The following TTC23L variants were observed in gnomAD, a reference collection of about 807,000 sequenced individuals.
The protein encoded by TTC23L is tetratricopeptide repeat domain 23 like.
A neutral mutation model predicts 48.1 loss-of-function variants in TTC23L; 42 were observed. That is an observed-to-expected ratio of 0.87 (90% CI 0.68 to 1.13). The LOEUF is 1.13. Among genes scored for constraint, TTC23L ranks in the 50% most tolerant of loss-of-function variants. TTC23L has a pLI of 0.00. For synonymous variants in TTC23L, 159 were observed against 157.2 expected (o/e 1.01, Z -0.09); for missense variants, 391 against 421.0 (o/e 0.93, Z 0.62).
the TTC23L span, chr5:34,920,159 A>C: frequency 4.8e-6 from 1 of 208,348 alleles, no homozygotes; most frequent in Non-Finnish European, 9.6e-6. Context: ...TATTATGCTA[A>C]ATCCATAGTA....
the TTC23L span, chr5:34,913,841 G>C: frequency 2.0e-6 from 1 of 499,730 alleles, no homozygotes; most frequent in East Asian, 4.4e-5. Context: ...TTGGAAAATA[G>C]ACGAATGACT....
the TTC23L span, chr5:34,915,531 C>T: frequency 1.8e-6 from 1 of 545,618 alleles, no homozygotes; most frequent in Non-Finnish European, 3.1e-6. Flanking sequence ...CTCTTCAGAC[C>T]GGCCCTCCAC....
intron 8 of TTC23L, among the ~76,000 whole-genome samples, chr5:34,879,146 G>C (rs1340665565): frequency 6.6e-6 from 1 of 152,180 alleles, no homozygotes; most frequent in Non-Finnish European, 1.5e-5. Context: ...ACAAATGTGT[G>C]CACATGGGCT....
chr5:34,881,377 A>G (rs1176925544), intron 9 of TTC23L, among the ~76,000 whole-genome samples: 1 of 152,236 alleles, frequency 6.6e-6, no homozygotes, highest in Admixed American at 6.5e-5. Flanking sequence ...AGTCTAAGCT[A>G]TCATTCAAAA....
intron 9 of TTC23L, among the ~76,000 whole-genome samples, chr5:34,886,861 T>A (rs997583564): frequency 1.3e-5 from 2 of 152,178 alleles, no homozygotes; most frequent in African/African-American, 4.8e-5. Flanking sequence ...ACTTCAAGGT[T>A]GAGTGGAATT....
the TTC23L span, chr5:34,923,050 A>T: frequency 6.4e-7 from 1 of 1,555,148 alleles, no homozygotes; most frequent in Non-Finnish European, 8.9e-7. Flanking sequence ...CTCTTAATTC[A>T]GGTAAATATC....
At position 34,872,712 on chromosome 5, in the gene TTC23L, A is replaced by C. The variant is rs181435125; in HGVS notation, c.949+3699A>C. On this transcript the variant is annotated intron_variant, in intron 8 of 10. Coordinates refer to ENST00000505624, the Ensembl canonical transcript of TTC23L. Reference sequence around the variant, plus strand: ...AAAAAATAACCCAAATATATATATCAATAAGTAAAAGGAAACTTTGGTGTA... The same window carrying C: ...AAAAAATAACCCAAATATATATATCCATAAGTAAAAGGAAACTTTGGTGTA... Among the ~76,000 whole-genome samples the C allele has an allele frequency of 2.2e-4, 34 of 152,352 alleles. No homozygotes were observed. The East Asian group carries it at 5.8e-3, about 26-fold the overall frequency.
chr5:34,911,669 T>C, the TTC23L span: 3 of 1,614,062 alleles, frequency 1.9e-6, no homozygotes, highest in Non-Finnish European at 2.5e-6. Flanking sequence ...TTAATAACAT[T>C]GGTGCTGCAG....
the TTC23L span, chr5:34,915,361 C>T: frequency 4.2e-6 from 1 of 236,066 alleles, no homozygotes; most frequent in Admixed American, 5.1e-5. Context: ...CACCAGCCCG[C>T]CCGCGGGACA....
rs114591125 is a variant in TTC23L at position 34,890,588 on chromosome 5, C to T, written c.1078-6182C>T. 5.9e-3 allele frequency among the ~76,000 whole-genome samples: 889 copies of T among 151,866 alleles called. 8 individuals carry two copies. The highest frequency in any genetic ancestry group is 0.02 in the African/African-American group (844 of 41,368). On this transcript the variant is annotated intron_variant, in intron 9 of 10. Transcript: ENST00000505624. ...TCTGACTTTGATGAATTTGAGTATA[C>T]GTATGAGGATACCTGTTCAGCAGGC...
chr5:34,924,967 C>CTT, the TTC23L span: 1 of 1,612,832 alleles, frequency 6.2e-7, no homozygotes. Context: ...CTACCAGTCA[C>CTT]CAAACATGGT....
the TTC23L span, chr5:34,918,321 A>G: frequency 2.0e-6 from 2 of 1,010,896 alleles, no homozygotes. Context: ...AGATCAGTTC[A>G]GTATAAGATT....
At chr5:34,873,493 G>A (rs1444929763) in intron 8 of TTC23L, among the ~76,000 whole-genome samples, 1 of 152,294 alleles carries the variant, frequency 6.6e-6, no homozygotes, top group Non-Finnish European at 1.5e-5. Flanking sequence ...ACCACGGGCC[G>A]CACAGGAGAA....
intron 6 of TTC23L, among the ~76,000 whole-genome samples, chr5:34,866,264 A>G (rs1345050042): frequency 6.6e-6 from 1 of 152,228 alleles, no homozygotes; most frequent in Non-Finnish European, 1.5e-5. Flanking sequence ...ATATATATGG[A>G]TATCAATAAC....
At chr5:34,860,209 C>G (rs1219401499) in intron 4 of TTC23L, among the ~76,000 whole-genome samples, 1 of 152,094 alleles carries the variant, frequency 6.6e-6, no homozygotes, top group African/African-American at 2.4e-5. Flanking sequence ...CCTAACCATC[C>G]TGTATCCACC....
chr5:34,895,598 A>G (rs753812195), intron 9 of TTC23L, among the ~76,000 whole-genome samples: 2 of 152,210 alleles, frequency 1.3e-5, no homozygotes, highest in South Asian at 2.1e-4. Context: ...TTTTCTCCTC[A>G]TAAGAGGGGA....
chr5:34,871,201 T>C (rs1761430485), intron 8 of TTC23L, among the ~76,000 whole-genome samples: 1 of 152,150 alleles, frequency 6.6e-6, no homozygotes, highest in Non-Finnish European at 1.5e-5. Context: ...AGAACTAATA[T>C]GTTTAAGTGT....
intron 10 of TTC23L, among the ~76,000 whole-genome samples, chr5:34,899,000 G>C (rs1214051895): frequency 6.6e-6 from 1 of 152,156 alleles, no homozygotes; most frequent in Admixed American, 6.5e-5. Context: ...GCCTCGGGCT[G>C]TAAGTCTCCG....
chr5:34,922,223 G>T, the TTC23L span: 1 of 1,572,258 alleles, frequency 6.4e-7, no homozygotes, highest in South Asian at 1.1e-5. Flanking sequence ...TTAGGTTTGT[G>T]AAATGAAGAA....
Sources: allele counts gnomAD v4.1 joint callset (sites outside exome capture counted in the v4.1 genomes callset), GRCh38; gene constraint gnomAD v4.1.1; transcripts MANE v1.5; gene names NCBI Gene and HGNC (gene_info 2026-07-23, HGNC 2026-07-21).